Variants in KCNH7 observed in about 807,000 individuals in gnomAD.
KCNH7 encodes potassium voltage-gated channel subfamily H member 7.
A neutral mutation model predicts 120.8 loss-of-function variants in KCNH7; 49 were observed. The ratio of observed to expected loss-of-function variants is 0.41; its 90% CI spans 0.32 to 0.51. The LOEUF (loss-of-function observed/expected upper bound fraction) is 0.51, where lower values mean the gene tolerates loss of function less well. Ranked by LOEUF, KCNH7 falls within the 20% of genes least tolerant of loss-of-function variation. The pLI, the probability that KCNH7 is intolerant of heterozygous loss-of-function variation, is 0.38. For synonymous variants in KCNH7, 547 were observed against 516.1 expected, an observed-to-expected ratio of 1.06 and a Z score of -0.81; for missense variants, 1,097 against 1,446.6, an observed-to-expected ratio of 0.76 and a Z score of 3.92.
intron 2 of KCNH7, among the ~76,000 whole-genome samples, chr2:162,680,301 A>T (rs1685668220): frequency 6.6e-6 from 1 of 151,690 alleles, no homozygotes; most frequent in Admixed American, 6.6e-5. Flanking sequence ...GTGAAGAGCA[A>T]CATACAAACC....
intron 2 of KCNH7, among the ~76,000 whole-genome samples, chr2:162,630,103 A>G (rs1395287810): frequency 1.1e-4 from 17 of 152,108 alleles, no homozygotes; most frequent in Admixed American, 1.1e-3. Flanking sequence ...GCAATCAAGA[A>G]ACTACAAGAC....
intron 2 of KCNH7, among the ~76,000 whole-genome samples, chr2:162,786,948 G>A (rs1342408811): frequency 6.6e-6 from 1 of 152,182 alleles, no homozygotes; most frequent in Non-Finnish European, 1.5e-5. Flanking sequence ...CAGATGGTAA[G>A]GAGGACAGTT....
intron 11 of KCNH7, among the ~76,000 whole-genome samples, chr2:162,394,731 AAAT>A (rs1217508512): frequency 3.3e-5 from 5 of 151,900 alleles, no homozygotes; most frequent in Non-Finnish European, 5.9e-5. Flanking sequence ...TATTTATGTG[AAAT>A]GTTTAGGGAT....
chr2:162,752,945 A>G (rs930923338), intron 2 of KCNH7, among the ~76,000 whole-genome samples: 20 of 104,368 alleles, frequency 1.9e-4, no homozygotes, highest in East Asian at 1.8e-3. Flanking sequence ...AAAGAAAAGA[A>G]AAGAAAAGAA....
chr2:162,659,554 C>G (rs1352233435), intron 2 of KCNH7, among the ~76,000 whole-genome samples: 1 of 152,022 alleles, frequency 6.6e-6, no homozygotes, highest in Non-Finnish European at 1.5e-5. Context: ...ATTGGCCAGG[C>G]TTGTGTCAAA....
chr2:162,408,827 G>T (rs942499760), intron 9 of KCNH7, among the ~76,000 whole-genome samples: 11 of 151,720 alleles, frequency 7.3e-5, no homozygotes, highest in African/African-American at 2.7e-4. Context: ...CAATTAAAAA[G>T]TAACCATAAA....
chr2:162,570,970 C>T (rs1693451036), intron 2 of KCNH7, among the ~76,000 whole-genome samples: 1 of 152,062 alleles, frequency 6.6e-6, no homozygotes, highest in Non-Finnish European at 1.5e-5. Context: ...GAAGCATTCC[C>T]TTTGAAAACT....
At chr2:162,612,564 T>C (rs1302186369) in intron 2 of KCNH7, among the ~76,000 whole-genome samples, 1 of 152,102 alleles carries the variant, frequency 6.6e-6, no homozygotes, top group African/African-American at 2.4e-5. Context: ...CAGGAACATC[T>C]GGCAAAAGGA....
chr2:162,682,811 G>A (rs1183769774), intron 2 of KCNH7, among the ~76,000 whole-genome samples: 2 of 151,652 alleles, frequency 1.3e-5, no homozygotes, highest in Non-Finnish European at 3.0e-5. Context: ...TATTTGTAAT[G>A]GTCAATATCA....
intron 5 of KCNH7, among the ~76,000 whole-genome samples, chr2:162,505,895 G>T (rs16846778): frequency 7.2e-5 from 11 of 151,816 alleles, no homozygotes; most frequent in African/African-American, 2.4e-4. Flanking sequence ...TTAAGATTTT[G>T]CATTTTGGAC....
chr2:162,462,907 A>G (rs982315497), intron 6 of KCNH7, among the ~76,000 whole-genome samples: 2 of 152,098 alleles, frequency 1.3e-5, no homozygotes, highest in African/African-American at 4.8e-5. Flanking sequence ...AAATAAAATT[A>G]AACTTAAACA....
chr2:162,413,635 T>C (rs76234562), intron 9 of KCNH7, among the ~76,000 whole-genome samples: 2,100 of 152,244 alleles, frequency 0.014, 42 homozygotes, highest in African/African-American at 0.047. Context: ...AAACAGATTG[T>C]GGAGTTTTCT....
At chr2:162,541,837 C>CTTAAAATAAAAAAAT (rs1692313981) in intron 2 of KCNH7, among the ~76,000 whole-genome samples, 2 of 151,904 alleles carry the variant, frequency 1.3e-5, no homozygotes, top group African/African-American at 2.4e-5. Flanking sequence ...ACATGTACCC[C>CTTAAAATAAAAAAAT]TGAACTTAAA....
chr2:162,729,162 A>ATTTTTTT (rs1412794660), intron 2 of KCNH7, among the ~76,000 whole-genome samples: 1 of 119,880 alleles, frequency 8.3e-6, no homozygotes, highest in African/African-American at 3.3e-5. Context: ...ATATACCCAA[A>ATTTTTTT]TTTTTTTTTT....
chr2:162,674,074 G>A (rs1258475885), intron 2 of KCNH7, among the ~76,000 whole-genome samples: 4 of 151,746 alleles, frequency 2.6e-5, no homozygotes, highest in Non-Finnish European at 4.4e-5. Flanking sequence ...AAGGAAAAAT[G>A]AACATGAATT....
At chr2:162,588,353 A>G (rs12471884) in intron 2 of KCNH7, among the ~76,000 whole-genome samples, 7,334 of 152,238 alleles carry the variant, frequency 0.048, 361 homozygotes, top group East Asian at 0.11. Context: ...TTCACTATTA[A>G]ACATAATGTA....
At chr2:162,655,557 T>C (rs577791329) in intron 2 of KCNH7, among the ~76,000 whole-genome samples, 13 of 151,740 alleles carry the variant, frequency 8.6e-5, no homozygotes, top group Non-Finnish European at 1.6e-4. Context: ...GAGACTGAGG[T>C]GGGCGGATCA....
chr2:162,549,080 A>G (rs1692578562), intron 2 of KCNH7, among the ~76,000 whole-genome samples: 1 of 152,152 alleles, frequency 6.6e-6, no homozygotes, highest in Admixed American at 6.5e-5. Context: ...CTGTAGCTAC[A>G]GTTACCTCCC....
At chr2:162,495,673 A>C (rs1434282254) in intron 6 of KCNH7, among the ~76,000 whole-genome samples, 1 of 152,144 alleles carries the variant, frequency 6.6e-6, no homozygotes, top group Non-Finnish European at 1.5e-5. Flanking sequence ...ATTCCATTCT[A>C]ATCTCATCAG....
Sources: allele counts gnomAD v4.1 joint callset (sites outside exome capture counted in the v4.1 genomes callset), GRCh38; gene constraint gnomAD v4.1.1; transcripts MANE v1.5; gene names NCBI Gene and HGNC (gene_info 2026-07-23, HGNC 2026-07-21).